Variants in SGMS1 observed in about 807,000 individuals in gnomAD.
SGMS1 encodes the protein sphingomyelin synthase 1.
A neutral mutation model predicts 46.2 loss-of-function variants in SGMS1; 13 were observed. The ratio of observed to expected loss-of-function variants is 0.28; its 90% CI spans 0.18 to 0.45. The LOEUF is 0.45. Among genes scored for constraint, SGMS1 ranks in the 20% least tolerant of loss-of-function variants. The pLI, the probability that SGMS1 is intolerant of heterozygous loss-of-function variation, is 1.00. For synonymous variants in SGMS1, 203 were observed against 187.8 expected, an observed-to-expected ratio of 1.08 and a Z score of -0.66; for missense variants, 324 against 519.9, an observed-to-expected ratio of 0.62 and a Z score of 3.66.
At chr10:50,465,282 T>G (rs1837315904) in intron 4 of SGMS1, among the ~76,000 whole-genome samples, 1 of 152,154 alleles carries the variant, frequency 6.6e-6, no homozygotes, top group Non-Finnish European at 1.5e-5. Flanking sequence ...CACTCTTAAG[T>G]ATGAACAGAC....
chr10:50,430,076 T>C (rs1849385439), intron 6 of SGMS1, among the ~76,000 whole-genome samples: 1 of 152,124 alleles, frequency 6.6e-6, no homozygotes, highest in Non-Finnish European at 1.5e-5. Context: ...TCCTCTACCA[T>C]CTCTGTTCAG....
intron 5 of SGMS1, among the ~76,000 whole-genome samples, chr10:50,446,673 C>T (rs944414948): frequency 2.0e-5 from 3 of 152,246 alleles, no homozygotes; most frequent in Non-Finnish European, 2.9e-5. Context: ...AGTATAACTA[C>T]ATATCTGAAG....
At chr10:50,505,152 G>A (rs1837696057) in intron 3 of SGMS1, among the ~76,000 whole-genome samples, 1 of 152,196 alleles carries the variant, frequency 6.6e-6, no homozygotes, top group Non-Finnish European at 1.5e-5. Context: ...GGAGGTAGAG[G>A]CTGAAGTGTG....
intron 3 of SGMS1, among the ~76,000 whole-genome samples, chr10:50,484,083 C>CA (rs1321246151): frequency 1.3e-5 from 2 of 152,020 alleles, no homozygotes; most frequent in East Asian, 1.9e-4. Context: ...AAAAACCCTT[C>CA]AAAAAATCAA....
At chr10:50,357,250 C>T (rs1257668564) in intron 6 of SGMS1, among the ~76,000 whole-genome samples, 2 of 151,542 alleles carry the variant, frequency 1.3e-5, no homozygotes, top group East Asian at 1.9e-4. Flanking sequence ...ATGGTAAAAA[C>T]GATGTACAGT....
intron 6 of SGMS1, among the ~76,000 whole-genome samples, chr10:50,401,852 C>T (rs1162697187): frequency 6.6e-6 from 1 of 152,148 alleles, no homozygotes; most frequent in Non-Finnish European, 1.5e-5. Flanking sequence ...ATTCCCTTGT[C>T]GTATTCATTT....
chr10:50,312,902 G>A (rs1171420426), intron 8 of SGMS1, among the ~76,000 whole-genome samples: 1 of 152,134 alleles, frequency 6.6e-6, no homozygotes, highest in African/African-American at 2.4e-5. Flanking sequence ...CAGCCAGAAT[G>A]CTCTGGAGGG....
intron 5 of SGMS1, among the ~76,000 whole-genome samples, chr10:50,455,069 C>G (rs1837174491): frequency 6.6e-6 from 1 of 152,074 alleles, no homozygotes; most frequent in Admixed American, 6.5e-5. Flanking sequence ...GTTTGTTTGC[C>G]CTGCTCACTA....
intron 6 of SGMS1, among the ~76,000 whole-genome samples, chr10:50,353,956 G>T (rs1848079219): frequency 6.6e-6 from 1 of 151,884 alleles, no homozygotes; most frequent in East Asian, 1.9e-4. Flanking sequence ...CAAACAAATG[G>T]AAGAACATTC....
intron 8 of SGMS1, among the ~76,000 whole-genome samples, chr10:50,324,365 G>C (rs2133307219): frequency 6.6e-6 from 1 of 152,300 alleles, no homozygotes; most frequent in East Asian, 1.9e-4. Context: ...ATGGTTCAGA[G>C]AGAGATGGAA....
chr10:50,386,194 A>G (rs1331776527), intron 6 of SGMS1, among the ~76,000 whole-genome samples: 1 of 152,178 alleles, frequency 6.6e-6, no homozygotes, highest in East Asian at 1.9e-4. Flanking sequence ...CAAAATTGTA[A>G]AGACTTCTCC....
intron 1 of SGMS1, among the ~76,000 whole-genome samples, chr10:50,598,851 T>G (rs1425806948): frequency 6.6e-6 from 1 of 152,168 alleles, no homozygotes; most frequent in Non-Finnish European, 1.5e-5. Flanking sequence ...AAGTCAATTT[T>G]TCAAAAGCTA....
chr10:50,473,426 T>C (rs1837395617), intron 3 of SGMS1, among the ~76,000 whole-genome samples: 1 of 152,230 alleles, frequency 6.6e-6, no homozygotes, highest in Non-Finnish European at 1.5e-5. Flanking sequence ...AATTTCCTTT[T>C]AAAATACTTT....
chr10:50,570,833 G>C (rs569524440), intron 2 of SGMS1, among the ~76,000 whole-genome samples: 71 of 152,288 alleles, frequency 4.7e-4, no homozygotes, highest in African/African-American at 1.5e-3. Context: ...AGCTACTCAG[G>C]AGGCTGAGGT....
chr10:50,554,352 A>G (rs1292749853), intron 2 of SGMS1, among the ~76,000 whole-genome samples: 1 of 152,218 alleles, frequency 6.6e-6, no homozygotes, highest in Non-Finnish European at 1.5e-5. Context: ...ATTAAGGCCT[A>G]CTAATTTCAG....
chr10:50,456,011 C>T (rs1837186759), intron 5 of SGMS1, among the ~76,000 whole-genome samples: 1 of 152,128 alleles, frequency 6.6e-6, no homozygotes, highest in South Asian at 2.1e-4. Context: ...GAAGTCCAAC[C>T]AGAGGACCTA....
At chr10:50,614,353 A>G (rs950916284) in intron 1 of SGMS1, among the ~76,000 whole-genome samples, 1 of 152,228 alleles carries the variant, frequency 6.6e-6, no homozygotes, top group Admixed American at 6.5e-5. Flanking sequence ...CTAGATAAAC[A>G]GGACCACATG....
chr10:50,456,935 TCAG>T (rs1342036153), intron 5 of SGMS1, among the ~76,000 whole-genome samples: 12 of 152,222 alleles, frequency 7.9e-5, no homozygotes, highest in African/African-American at 2.2e-4. Flanking sequence ...AAACTTCAAG[TCAG>T]GTTCATTGCA....
intron 8 of SGMS1, among the ~76,000 whole-genome samples, chr10:50,316,168 T>G (rs1436210): frequency 1.2e-4 from 19 of 152,102 alleles, no homozygotes; most frequent in African/African-American, 4.6e-4. Context: ...TTCAGCCCCA[T>G]TAGGAGGAAG....
Sources: allele counts gnomAD v4.1 joint callset (sites outside exome capture counted in the v4.1 genomes callset), GRCh38; gene constraint gnomAD v4.1.1; transcripts MANE v1.5; gene names NCBI Gene and HGNC (gene_info 2026-07-23, HGNC 2026-07-21).